The following STK39 variants were observed in gnomAD, a reference collection of about 807,000 sequenced individuals.
The protein encoded by STK39 is serine/threonine kinase 39.
In STK39, 20 loss-of-function variants were observed where a neutral mutation model predicts 77.8. The ratio of observed to expected loss-of-function variants is 0.26; its 90% CI spans 0.18 to 0.37. STK39 has a LOEUF of 0.37. Among genes scored for constraint, STK39 ranks in the 10% least tolerant of loss-of-function variants. STK39 has a pLI of 1.00. For synonymous variants in STK39, 246 were observed against 234.1 expected (o/e 1.05, Z -0.47); for missense variants, 479 against 656.5 (o/e 0.73, Z 2.95).
At chr2:168,226,165 G>A (rs1035369935) in intron 1 of STK39, among the ~76,000 whole-genome samples, 4 of 152,138 alleles carry the variant, frequency 2.6e-5, no homozygotes, top group African/African-American at 9.7e-5. Context: ...GCAAACACAT[G>A]CTGATTGGCC....
chr2:168,129,796 C>T (rs199806851), intron 8 of STK39, 38 bp from the exon 9 acceptor site: 26 of 1,607,408 alleles, frequency 1.6e-5, no homozygotes, highest in Non-Finnish European at 2.2e-5. Flanking sequence ...GAAACAATGA[C>T]CACTTAATAA....
At chr2:168,189,601 G>GAT (rs1025004152) in intron 1 of STK39, among the ~76,000 whole-genome samples, 1 of 152,178 alleles carries the variant, frequency 6.6e-6, no homozygotes, top group African/African-American at 2.4e-5. Context: ...GCATGTGTGA[G>GAT]ATAAGGAGCT....
intron 12 of STK39, among the ~76,000 whole-genome samples, chr2:168,071,621 C>T (rs1011057050): frequency 1.3e-5 from 2 of 152,104 alleles, no homozygotes; most frequent in Non-Finnish European, 2.9e-5. Context: ...GTGGCTCACG[C>T]TTGTAATCCC....
intron 14 of STK39, among the ~76,000 whole-genome samples, chr2:168,057,075 G>A (rs1437403107): frequency 6.6e-6 from 1 of 152,168 alleles, no homozygotes; most frequent in Non-Finnish European, 1.5e-5. Flanking sequence ...CTGCCACCTT[G>A]CACACAAGAG....
At chr2:168,133,003 G>C in intron 8 of STK39, among the ~76,000 whole-genome samples, 1 of 152,188 alleles carries the variant, frequency 6.6e-6, no homozygotes, top group East Asian at 1.9e-4. Context: ...GGGAACAGGA[G>C]AAAGACTTAA....
intron 7 of STK39, among the ~76,000 whole-genome samples, chr2:168,139,852 A>G (rs1003860363): frequency 6.6e-6 from 1 of 152,158 alleles, no homozygotes; most frequent in South Asian, 2.1e-4. Context: ...ACATTACACT[A>G]TAAGAGCAGG....
At position 167,961,890 on chromosome 2, in the gene STK39, C is replaced by G. The variant is rs145200983; in HGVS notation, c.1563+2772G>C. Reference sequence around the variant, plus strand: ...AGGACCCATTTCACATCTTGGGAACCCCAGGCTCTCTGGGGTTAATTTGCC... The same window carrying G: ...AGGACCCATTTCACATCTTGGGAACGCCAGGCTCTCTGGGGTTAATTTGCC... On this transcript the variant is annotated intron_variant, in intron 17 of 17. Coordinates refer to ENST00000355999, the MANE Select transcript of STK39 (RefSeq NM_013233.3). 6.6e-3 allele frequency among the ~76,000 whole-genome samples: 999 copies of G among 152,298 alleles called. 10 individuals are homozygous for G. The highest frequency in any genetic ancestry group is 0.023 in the African/African-American group (948 of 41,544).
At position 168,015,334 on chromosome 2, in the gene STK39, T is replaced by G. The variant is rs377679978; in HGVS notation, c.1429+1709A>C. On this transcript the variant is annotated intron_variant, in intron 15 of 17. Coordinates refer to ENST00000355999, the MANE Select transcript of STK39 (RefSeq NM_013233.3). ...GTATATACAGCACAAGCATAATGCA[T>G]GTGAACTGCACACAGATTTACTGTA... Among the ~76,000 whole-genome samples the G allele has an allele frequency of 2.7e-4, 41 of 152,342 alleles. No homozygotes were observed. The East Asian group carries it at 4.6e-3, about 17-fold the overall frequency.
At chr2:168,138,554 T>C (rs935052558) in intron 7 of STK39, among the ~76,000 whole-genome samples, 33 of 151,846 alleles carry the variant, frequency 2.2e-4, no homozygotes, top group Non-Finnish European at 3.4e-4. Context: ...GGAAAGCGGG[T>C]GGAGGAGAAG....
intron 10 of STK39, among the ~76,000 whole-genome samples, chr2:168,122,032 T>C (rs1394179470): frequency 2.6e-5 from 4 of 152,232 alleles, no homozygotes; most frequent in Non-Finnish European, 5.9e-5. Flanking sequence ...GTTTTGGTTT[T>C]TGTAAAATTT....
chr2:167,974,156 C>CA (rs1213931274), intron 16 of STK39, among the ~76,000 whole-genome samples: 1 of 151,802 alleles, frequency 6.6e-6, no homozygotes, highest in Non-Finnish European at 1.5e-5. Flanking sequence ...AAACTACTGA[C>CA]AAAAAAAGAA....
chr2:168,096,595 G>A (rs1250951115), intron 10 of STK39, among the ~76,000 whole-genome samples: 1 of 152,104 alleles, frequency 6.6e-6, no homozygotes, highest in Non-Finnish European at 1.5e-5. Flanking sequence ...CCAAGTATGT[G>A]GAATTTAAGA....
chr2:168,009,434 C>A (rs1684213000), intron 16 of STK39, among the ~76,000 whole-genome samples: 1 of 152,068 alleles, frequency 6.6e-6, no homozygotes, highest in African/African-American at 2.4e-5. Flanking sequence ...CAAGAACCAC[C>A]AACATTTAAA....
intron 12 of STK39, among the ~76,000 whole-genome samples, chr2:168,070,834 T>C (rs887156765): frequency 4.6e-5 from 7 of 152,194 alleles, no homozygotes; most frequent in African/African-American, 1.7e-4. Flanking sequence ...ACAAGGCCAA[T>C]TTTTCAATGT....
Position 168,167,382 on chromosome 2 carries a change from C to T in STK39, c.347G>A (p.Cys116Tyr). 2 of 1,613,656 alleles carry T rather than the reference C, an allele frequency of 1.2e-6. No homozygotes were observed. Among genetic ancestry groups the T allele is most frequent in the Non-Finnish European group, 1.7e-6 (2 of 1,179,696 alleles). Residue 116 changes from cysteine to tyrosine, a missense_variant, in exon 3 of 18, where the codon TGC becomes TAC. Around this residue, in one of 3 missense-constraint regions of STK39, gnomAD observed 139 missense variants for 280.6 expected, o/e 0.50. Transcript: ENST00000355999. ...ATAGGTCACTACGTTGGGATGGCTG[C>T]ACTGACTCATGGCTTGAATTTCTTT... ...LLKEIQAMSQ[C>Y]SHPNVVTYYT...
intron 4 of STK39, among the ~76,000 whole-genome samples, chr2:168,162,237 C>T (rs1688590054): frequency 7.5e-6 from 1 of 133,100 alleles, no homozygotes; most frequent in Admixed American, 9.2e-5. Flanking sequence ...AGTGAGCCAA[C>T]ACCGTGCCAC....
intron 14 of STK39, among the ~76,000 whole-genome samples, chr2:168,058,140 C>T (rs892082039): frequency 1.4e-4 from 21 of 152,192 alleles, no homozygotes; most frequent in Non-Finnish European, 2.5e-4. Context: ...TTGTTATCCC[C>T]TGTTCTCTCT....
At chr2:168,123,600 T>C (rs1323217193) in intron 10 of STK39, among the ~76,000 whole-genome samples, 4 of 152,200 alleles carry the variant, frequency 2.6e-5, no homozygotes, top group Admixed American at 2.0e-4. Context: ...CAGGCACCAA[T>C]GGCTCATGCC....
At chr2:168,056,935 C>T (rs1685541660) in intron 14 of STK39, among the ~76,000 whole-genome samples, 1 of 152,128 alleles carries the variant, frequency 6.6e-6, no homozygotes, top group African/African-American at 2.4e-5. Flanking sequence ...TGGGTATGAA[C>T]AAATTGTGTG....
Sources: allele counts gnomAD v4.1 joint callset (sites outside exome capture counted in the v4.1 genomes callset), GRCh38; gene constraint gnomAD v4.1.1; regional missense constraint gnomAD v4.1.1; transcripts MANE v1.5; gene names NCBI Gene and HGNC (gene_info 2026-07-23, HGNC 2026-07-21).